The following DPYSL3 variants were observed in gnomAD, a reference collection of about 807,000 sequenced individuals.
DPYSL3 encodes dihydropyrimidinase-related protein 3.
In DPYSL3, 16 loss-of-function variants were observed where a neutral mutation model predicts 66.1. The observed-to-expected ratio is 0.24, with a 90% confidence interval of 0.16 to 0.37. DPYSL3 has a LOEUF of 0.37. Ranked by LOEUF, DPYSL3 falls within the 10% of genes least tolerant of loss-of-function variation. The pLI is 1.00. For missense variants in DPYSL3, 738 were observed against 916.2 expected, an observed-to-expected ratio of 0.81 and a Z score of 2.51; for synonymous variants, 338 against 345.1, an observed-to-expected ratio of 0.98 and a Z score of 0.23.
At chr5:147,444,511 A>G (rs1001673230) in intron 1 of DPYSL3, among the ~76,000 whole-genome samples, 3 of 152,182 alleles carry the variant, frequency 2.0e-5, no homozygotes, top group Non-Finnish European at 2.9e-5. Flanking sequence ...TATATATGAC[A>G]CTCTTATAAC....
At chr5:147,467,080 C>G (rs900674977) in intron 1 of DPYSL3, among the ~76,000 whole-genome samples, 2 of 152,102 alleles carry the variant, frequency 1.3e-5, no homozygotes, top group Non-Finnish European at 2.9e-5. Context: ...CACCTGGCCT[C>G]AAGTGGAGTA....
Position 147,401,715 on chromosome 5 carries a change from AG to A in DPYSL3, c.1154-20del. 1 of 1,613,872 alleles carries A rather than the reference AG, an allele frequency of 6.2e-7. No homozygotes were observed. Among genetic ancestry groups the A allele is most frequent in the Non-Finnish European group, 8.5e-7 (1 of 1,179,930 alleles). On this transcript the variant is annotated intron_variant, in intron 8 of 13. Coordinates refer to ENST00000343218, the MANE Select transcript of DPYSL3 (RefSeq NM_001197294.2). ...ACATTTCCTAGAAGGGGCAGGAAAC[AG>A]ACAAGGGGTTAGCATAAAGTATATG...
intron 1 of DPYSL3, among the ~76,000 whole-genome samples, chr5:147,503,962 T>A (rs1442157598): frequency 6.6e-6 from 1 of 152,214 alleles, no homozygotes; most frequent in African/African-American, 2.4e-5. Flanking sequence ...GATTCTATGT[T>A]ACAAACATAT....
At chr5:147,409,569 G>C (rs770596189) in intron 6 of DPYSL3, among the ~76,000 whole-genome samples, 1 of 152,218 alleles carries the variant, frequency 6.6e-6, no homozygotes, top group Non-Finnish European at 1.5e-5. Context: ...CATGTCCCTT[G>C]TGGTTGATGG....
intron 8 of DPYSL3, among the ~76,000 whole-genome samples, chr5:147,404,172 C>T (rs1027533652): frequency 2.0e-5 from 3 of 152,166 alleles, no homozygotes; most frequent in African/African-American, 7.2e-5. Flanking sequence ...GGCTGCTTTC[C>T]TGGTTCTCGC....
intron 1 of DPYSL3, among the ~76,000 whole-genome samples, chr5:147,474,581 T>C (rs1056983396): frequency 6.6e-6 from 1 of 152,106 alleles, no homozygotes; most frequent in Non-Finnish European, 1.5e-5. Flanking sequence ...CTCTATACTA[T>C]CTTCTTTTAC....
chr5:147,509,658 G>C lies in DPYSL3; in HGVS notation c.201C>G (p.Ser67Arg). Reference sequence around the variant, plus strand: ...CCGATCCTCGGTCGCTGCCCTGGCCGCTCCGAGGAGTCTTCGCGCCCCGCT... The same window carrying C: ...CCGATCCTCGGTCGCTGCCCTGGCCCCTCCGAGGAGTCTTCGCGCCCCGCT... ...VGQRGAKTPR[S>R]GQGSDRGSGS... Residue 67 changes from serine to arginine, a missense_variant, in exon 1 of 14, where the codon AGC (serine) becomes AGG (arginine). By Grantham distance (110) the Ser-to-Arg change is moderately radical. Transcript: ENST00000343218. This position sits in a 1 kb window ranked among gnomAD's most constrained non-coding sequence, Gnocchi z 5.3. 3 of 1,535,728 alleles carry C rather than the reference G, an allele frequency of 2.0e-6. No homozygotes were observed. The highest frequency in any genetic ancestry group is 2.4e-5 in the East Asian group (1 of 40,870).
At chr5:147,461,071 G>A (rs1752923368) in intron 1 of DPYSL3, among the ~76,000 whole-genome samples, 1 of 152,182 alleles carries the variant, frequency 6.6e-6, no homozygotes, top group African/African-American at 2.4e-5. Context: ...TGCAAACATA[G>A]ATAAGCAGCC....
At chr5:147,418,780 T>G (rs886395463) in intron 2 of DPYSL3, 149 bp from the exon 3 acceptor site, 3 of 672,302 alleles carry the variant, frequency 4.5e-6, no homozygotes, top group Non-Finnish European at 4.8e-6. Flanking sequence ...AGCTTAGCAA[T>G]CTATAAACAA....
At chr5:147,413,970 T>C (rs1213617036) in intron 4 of DPYSL3, among the ~76,000 whole-genome samples, 1 of 152,158 alleles carries the variant, frequency 6.6e-6, no homozygotes, top group Non-Finnish European at 1.5e-5. Context: ...CAGTAGTAGG[T>C]GGCATTAAGA....
rs187224200 is a variant in DPYSL3 at position 147,493,494 on chromosome 5, T to C, written c.381+15984A>G. Among the ~76,000 whole-genome samples the C allele has an allele frequency of 2.7e-3, 413 of 152,064 alleles. 1 individual carries two copies. Among genetic ancestry groups the C allele is most frequent in the Middle Eastern group, 6.8e-3 (2 of 294 alleles). Reference sequence around the variant, plus strand: ...AGGCTGTGGTGGGAGGGAAGATCACTTGGGCCTAGGAAGTCACAGCTGCAA... The same window carrying C: ...AGGCTGTGGTGGGAGGGAAGATCACCTGGGCCTAGGAAGTCACAGCTGCAA... On this transcript the variant is annotated intron_variant, in intron 1 of 13. Coordinates refer to ENST00000343218, the MANE Select transcript of DPYSL3 (RefSeq NM_001197294.2).
intron 1 of DPYSL3, among the ~76,000 whole-genome samples, chr5:147,463,582 A>C (rs1368926047): frequency 6.6e-6 from 1 of 152,112 alleles, no homozygotes; most frequent in African/African-American, 2.4e-5. Flanking sequence ...GAGGCACTAA[A>C]CCATGAGGTA....
At chr5:147,408,203 C>T (rs1462805293) in intron 7 of DPYSL3, among the ~76,000 whole-genome samples, 4 of 152,158 alleles carry the variant, frequency 2.6e-5, no homozygotes, top group Non-Finnish European at 1.5e-5. Context: ...GTAGGTGAAG[C>T]TGCTGACATC....
chr5:147,414,516 G>C (rs1489536324), intron 4 of DPYSL3, among the ~76,000 whole-genome samples: 1 of 152,180 alleles, frequency 6.6e-6, no homozygotes, highest in Non-Finnish European at 1.5e-5. Context: ...AAACTGGGTT[G>C]TAATTTGAGA....
intron 1 of DPYSL3, among the ~76,000 whole-genome samples, chr5:147,494,835 C>T (rs1396058060): frequency 8.0e-5 from 12 of 150,350 alleles, no homozygotes; most frequent in African/African-American, 2.4e-4. Flanking sequence ...GCCGAGATCG[C>T]GCCACTGCAC....
At chr5:147,444,719 C>A (rs1752599491) in intron 1 of DPYSL3, among the ~76,000 whole-genome samples, 1 of 152,048 alleles carries the variant, frequency 6.6e-6, no homozygotes, top group Non-Finnish European at 1.5e-5. Context: ...CCCCTCAAAC[C>A]AAAGAATTAC....
chr5:147,416,332 G>A (rs934484425), intron 3 of DPYSL3, among the ~76,000 whole-genome samples: 6 of 152,276 alleles, frequency 3.9e-5, no homozygotes, highest in Admixed American at 6.5e-5. Context: ...TTCCAAGGGC[G>A]AAAGCGAGGT....
At position 147,450,808 on chromosome 5, in the gene DPYSL3, C is replaced by G. The variant is rs140433496; in HGVS notation, c.382-25845G>C. 2.4e-4 allele frequency among the ~76,000 whole-genome samples: 37 copies of G among 152,234 alleles called. No individual in the cohort carries two copies. In the East Asian group the frequency reaches 6.4e-3, roughly 26 times the overall value. On this transcript the variant is annotated intron_variant, in intron 1 of 13. Coordinates refer to ENST00000343218, the MANE Select transcript of DPYSL3 (RefSeq NM_001197294.2). ...GGGTACCAGGCCAAGAAAGACTGCC[C>G]CCACTAGTCCTCAGATTGTAGTGAC...
intron 1 of DPYSL3, chr5:147,453,738 C>T (rs948336175): frequency 1.5e-6 from 2 of 1,314,902 alleles, no homozygotes; most frequent in African/African-American, 1.5e-5. Context: ...CGCCCCCCTC[C>T]CGGGCTCCCG....
Sources: allele counts gnomAD v4.1 joint callset (sites outside exome capture counted in the v4.1 genomes callset), GRCh38; gene constraint gnomAD v4.1.1; non-coding constraint Gnocchi (gnomAD v3.1); transcripts MANE v1.5; gene names NCBI Gene and HGNC (gene_info 2026-07-23, HGNC 2026-07-21).